Variants in MAGT1 observed in about 807,000 individuals in gnomAD.
MAGT1 encodes magnesium transporter 1, also known as dolichyl-diphosphooligosaccharide--protein glycosyltransferase subunit MAGT1.
Under a neutral mutation model 28.4 loss-of-function variants are expected in MAGT1, and 4 were observed. That is an observed-to-expected ratio of 0.14 (90% CI 0.07 to 0.32). MAGT1 has a LOEUF of 0.32. Among genes scored for constraint, MAGT1 ranks in the 10% least tolerant of loss-of-function variants. The probability of loss-of-function intolerance (pLI) is 1.00; values close to 1 mark genes in which losing one functional copy is unlikely to be tolerated. For synonymous variants in MAGT1, 89 were observed against 89.7 expected (o/e 0.99, Z 0.04); for missense variants, 193 against 264.5 (o/e 0.73, Z 1.88).
chrX:77,846,930 T>C (rs1027024616), intron 7 of MAGT1, among the ~76,000 whole-genome samples: 1 of 111,856 alleles, frequency 8.9e-6, no homozygotes, highest in Non-Finnish European at 1.9e-5. Flanking sequence ...TCAAGCTGCA[T>C]GCTGGGAGAA....
chrX:77,891,606 C>T (rs1327544493), intron 1 of MAGT1, among the ~76,000 whole-genome samples: 1 of 111,305 alleles, frequency 9.0e-6, no homozygotes, highest in African/African-American at 3.3e-5. Flanking sequence ...AACTATAGTG[C>T]CTGGCATGTA....
At chrX:77,832,602 G>A (rs1487743306) in intron 8 of MAGT1, among the ~76,000 whole-genome samples, 2 of 109,940 alleles carry the variant, frequency 1.8e-5, no homozygotes, top group Non-Finnish European at 3.8e-5. Flanking sequence ...AGGCCAAGGC[G>A]GGTGGATCAC....
intron 1 of MAGT1, among the ~76,000 whole-genome samples, chrX:77,889,564 G>A (rs928065587): frequency 1.9e-4 from 20 of 107,271 alleles, no homozygotes; most frequent in African/African-American, 5.8e-4. Flanking sequence ...GTAGAGACGG[G>A]GTTTCACCGT....
chrX:77,869,051 T>C (rs782793505), intron 3 of MAGT1, among the ~76,000 whole-genome samples: 21 of 111,916 alleles, frequency 1.9e-4, no homozygotes, highest in African/African-American at 6.8e-4. Context: ...TTTTTGAGAC[T>C]GAGTCTCACT....
chrX:77,869,734 A>G (rs1428222156), intron 3 of MAGT1, among the ~76,000 whole-genome samples: 1 of 111,105 alleles, frequency 9.0e-6, no homozygotes, highest in African/African-American at 3.3e-5. Context: ...CACAAAAAAC[A>G]AAACAAAAAA....
At chrX:77,837,377 T>G (rs782703339) in intron 8 of MAGT1, 13 of 112,035 alleles carry the variant, frequency 1.2e-4, no homozygotes, top group Non-Finnish European at 2.4e-4. Context: ...TGCAAATTCG[T>G]GAAGTGTTCC....
At chrX:77,860,547 C>G in intron 3 of MAGT1, among the ~76,000 whole-genome samples, 1 of 110,317 alleles carries the variant, frequency 9.1e-6, no homozygotes, top group Non-Finnish European at 1.9e-5. Flanking sequence ...TTTGGGAGGC[C>G]AAGACAGGTG....
chrX:77,889,613 C>T (rs941260028), intron 1 of MAGT1, among the ~76,000 whole-genome samples: 2 of 108,398 alleles, frequency 1.8e-5, no homozygotes, highest in Non-Finnish European at 3.8e-5. Flanking sequence ...ACTCGTGATC[C>T]GCCTGCCTCG....
intron 8 of MAGT1, among the ~76,000 whole-genome samples, chrX:77,837,928 C>T (rs2076924019): frequency 1.8e-5 from 2 of 110,603 alleles, no homozygotes; most frequent in Non-Finnish European, 3.8e-5. Flanking sequence ...TTTTTAGAGA[C>T]GGGGTTTCGC....
chrX:77,855,110 T>A (rs782520873), intron 6 of MAGT1, among the ~76,000 whole-genome samples: 1 of 110,983 alleles, frequency 9.0e-6, no homozygotes, highest in South Asian at 3.8e-4. Flanking sequence ...GGTAGGGAGT[T>A]TGAGACCAGC....
At chrX:77,869,717 A>C (rs1213928533) in intron 3 of MAGT1, among the ~76,000 whole-genome samples, 2 of 111,343 alleles carry the variant, frequency 1.8e-5, no homozygotes, top group East Asian at 5.6e-4. Flanking sequence ...TAAAGCAAAA[A>C]AAAAAACACA....
At chrX:77,892,861 A>G (rs1345592827) in intron 1 of MAGT1, among the ~76,000 whole-genome samples, 3 of 112,100 alleles carry the variant, frequency 2.7e-5, no homozygotes, top group Admixed American at 9.5e-5. Flanking sequence ...CTGATTTTAT[A>G]TAAGTACACA....
At position 77,853,830 on chromosome X, in the gene MAGT1, C is replaced by A. The variant is rs1356166490; in HGVS notation, c.826+71G>T. 4 of 868,441 alleles carry A rather than the reference C, an allele frequency of 4.6e-6. No individual in the cohort carries two copies. In the African/African-American group the frequency reaches 7.9e-5, roughly 17 times the overall value. 71.6% of individuals were successfully genotyped at this position (868,441 alleles called of 1,213,427 possible). A position where few individuals can be genotyped will look rare whatever the true frequency, so the allele number is the denominator to read the frequency against. On this transcript the variant is annotated intron_variant, in intron 7 of 9. Coordinates refer to ENST00000618282, the MANE Select transcript of MAGT1 (RefSeq NM_001367916.1). ...TTAAGAGAACAGCCCCAGCCAAATG[C>A]TGTAGAGAGAATACTAGACTGTGAG...
chrX:77,887,163 T>C (rs1226714693), intron 1 of MAGT1, among the ~76,000 whole-genome samples: 2 of 111,624 alleles, frequency 1.8e-5, no homozygotes, highest in African/African-American at 3.3e-5. Context: ...GCATGATTGT[T>C]AGCTCACTGC....
chrX:77,850,326 A>G (rs1336450737), intron 7 of MAGT1, among the ~76,000 whole-genome samples: 2 of 109,123 alleles, frequency 1.8e-5, no homozygotes, highest in Non-Finnish European at 3.8e-5. Flanking sequence ...AAATAAAGAA[A>G]TTAGCCAGGT....
chrX:77,833,509 G>A (rs781933912), intron 8 of MAGT1, among the ~76,000 whole-genome samples: 4 of 111,979 alleles, frequency 3.6e-5, no homozygotes, highest in African/African-American at 1.3e-4. Context: ...TTATCTCAGC[G>A]TAAACACTGC....
At chrX:77,885,100 T>G (rs1167641248) in intron 1 of MAGT1, among the ~76,000 whole-genome samples, 13 of 108,696 alleles carry the variant, frequency 1.2e-4, no homozygotes, top group African/African-American at 3.7e-4. Flanking sequence ...GGTGTCACTT[T>G]GTCACCCAGA....
At chrX:77,844,424 A>T (rs2076944383) in intron 7 of MAGT1, among the ~76,000 whole-genome samples, 1 of 111,213 alleles carries the variant, frequency 9.0e-6, no homozygotes, top group African/African-American at 3.3e-5. Flanking sequence ...ATTTTTTTGA[A>T]GGGTTTTTTG....
intron 3 of MAGT1, among the ~76,000 whole-genome samples, chrX:77,861,359 AAAAC>A (rs781857582): frequency 5.4e-5 from 6 of 111,801 alleles, no homozygotes; most frequent in Admixed American, 9.6e-5. Flanking sequence ...GCTATTATCC[AAAAC>A]AAACAAACAA....
Sources: gnomAD v4.1 joint callset for allele counts (sites outside exome capture counted in the v4.1 genomes callset) on GRCh38, gnomAD v4.1.1 for gene constraint, MANE v1.5 for transcripts, NCBI Gene and HGNC (gene_info 2026-07-23, HGNC 2026-07-21) for gene names.